The following LARP4B variants were observed in gnomAD, a reference collection of about 807,000 sequenced individuals.
LARP4B encodes the protein la-related protein 4B.
In LARP4B, 12 loss-of-function variants were observed where a neutral mutation model predicts 89.8. That is an observed-to-expected ratio of 0.13 (90% CI 0.09 to 0.22). The LOEUF (loss-of-function observed/expected upper bound fraction) is 0.22, where lower values mean the gene tolerates loss of function less well. Ranked by LOEUF, LARP4B falls within the 10% of genes least tolerant of loss-of-function variation. The pLI is 1.00. For missense variants in LARP4B, 757 were observed against 947.7 expected, an observed-to-expected ratio of 0.80 and a Z score of 2.64; for synonymous variants, 367 against 363.3, an observed-to-expected ratio of 1.01 and a Z score of -0.12.
intron 1 of LARP4B, among the ~76,000 whole-genome samples, chr10:897,196 T>C (rs1462176328): frequency 2.0e-5 from 3 of 152,050 alleles, no homozygotes; most frequent in Non-Finnish European, 2.9e-5. Context: ...ATCAATACAA[T>C]AGAAACGAGA....
chr10:891,962 T>C (rs1431836951), intron 1 of LARP4B, among the ~76,000 whole-genome samples: 1 of 152,268 alleles, frequency 6.6e-6, no homozygotes, highest in Non-Finnish European at 1.5e-5. Flanking sequence ...ACAAATATTT[T>C]GTTACTGGTT....
rs140634000 is a variant in LARP4B, at chr10:919,670, G to A, written c.-40+11758C>T. On this transcript the variant is annotated intron_variant, in intron 1 of 17. Transcript: ENST00000316157. ...AAACCAAAGGCCAGGAGAGCTCACA[G>A]CAAGTCACATTATCTCTAGTGTGAG... Among the ~76,000 whole-genome samples, 35 of 152,216 alleles carry A rather than the reference G, an allele frequency of 2.3e-4. 1 individual carries two copies. Among genetic ancestry groups the A allele is most frequent in the Non-Finnish European group, 8.8e-5 (6 of 68,026 alleles).
At chr10:954,358 C>T in the LARP4B span, among the ~76,000 whole-genome samples, 3 of 152,022 alleles carry the variant, frequency 2.0e-5, no homozygotes, top group Admixed American at 2.0e-4. The surrounding 1 kb of genome is among the most constrained non-coding windows in gnomAD (Gnocchi z 5.0). Context: ...TACATGTGGA[C>T]GCGGACGAAA....
the LARP4B span, among the ~76,000 whole-genome samples, chr10:952,290 AG>A: frequency 7.0e-6 from 1 of 143,432 alleles, no homozygotes; most frequent in Non-Finnish European, 1.5e-5. Context: ...CAGTGAGCTG[AG>A]ATCAAGATGC....
intron 1 of LARP4B, among the ~76,000 whole-genome samples, chr10:928,177 G>T (rs1396308364): frequency 6.6e-6 from 1 of 150,662 alleles, no homozygotes; most frequent in Non-Finnish European, 1.5e-5. Flanking sequence ...AGCCAAGAAC[G>T]CACCATTGCA....
rs78616524 is a variant in LARP4B, at chr10:816,700, T to C, written c.1695+1025A>G. Among the ~76,000 whole-genome samples, 57 of 152,318 alleles carry C rather than the reference T, an allele frequency of 3.7e-4. No individual in the cohort carries two copies. In the East Asian group the frequency reaches 0.011, roughly 28 times the overall value. On this transcript the variant is annotated intron_variant, in intron 15 of 17. Transcript: ENST00000316157. ...GGCACTAATACCTTAGAAATGACGG[T>C]GTGGAAATTTAAGGCTAATGTGACA...
chr10:927,376 C>T (rs1837172363), intron 1 of LARP4B, among the ~76,000 whole-genome samples: 1 of 152,120 alleles, frequency 6.6e-6, no homozygotes, highest in Admixed American at 6.5e-5. Flanking sequence ...ACAGGAAAAA[C>T]AAAGCATTAG....
Position 825,268 on chromosome 10 carries a change from C to T in LARP4B, c.1281G>A (p.Arg427=), listed in dbSNP as rs748609302. ...HLRHAIPSAE[R]GPGLLESPSI... Reference sequence around the variant, plus strand: ...AAGGACTTTCTAATAACCCAGGTCCCCTCTCTGCACTAGGAATCGCATGCC... The same window carrying T: ...AAGGACTTTCTAATAACCCAGGTCCTCTCTCTGCACTAGGAATCGCATGCC... Residue 427 remains arginine (R), a synonymous_variant, in exon 13 of 18, where the codon AGG becomes AGA. Coordinates refer to ENST00000316157, the MANE Select transcript of LARP4B (RefSeq NM_015155.3). 1 of 1,614,124 alleles carries T rather than the reference C, an allele frequency of 6.2e-7. No individual in the cohort carries two copies. Among genetic ancestry groups the T allele is most frequent in the Non-Finnish European group, 8.5e-7 (1 of 1,180,010 alleles).
At chr10:808,362 G>GGA (rs1831624159), downstream of LARP4B, 3 of 152,260 alleles carry the variant, frequency 2.0e-5, 1 homozygote, top group South Asian at 6.2e-4. Context: ...TAAGGACAAG[G>GGA]GAGAGGCTGG....
At chr10:852,485 A>ATAT (rs1302520935) in intron 5 of LARP4B, among the ~76,000 whole-genome samples, 2 of 152,242 alleles carry the variant, frequency 1.3e-5, no homozygotes, top group Non-Finnish European at 2.9e-5. Flanking sequence ...CCTCATCAAC[A>ATAT]TATAAAGGGC....
the LARP4B span, among the ~76,000 whole-genome samples, chr10:939,883 G>A: frequency 2.2e-4 from 33 of 152,200 alleles, no homozygotes; most frequent in African/African-American, 4.8e-4. Flanking sequence ...TTGCTCTGTC[G>A]CCCAGGCTAA....
At chr10:930,483 A>G (rs906562826) in intron 1 of LARP4B, among the ~76,000 whole-genome samples, 1 of 152,206 alleles carries the variant, frequency 6.6e-6, no homozygotes, top group Non-Finnish European at 1.5e-5. Flanking sequence ...TAGGTTTCTC[A>G]AGTTTCATCT....
At position 863,430 on chromosome 10, in the gene LARP4B, C is replaced by T. The variant is rs547229694; in HGVS notation, c.430+313G>A. 2.6e-5 allele frequency among the ~76,000 whole-genome samples: 4 copies of T among 151,994 alleles called. No individual in the cohort carries two copies. The South Asian group carries it at 6.2e-4, about 24-fold the overall frequency. On this transcript the variant is annotated intron_variant, in intron 5 of 17. Transcript: ENST00000316157. ...TTTTTTAGTAGAGACGGGGTTTTAC[C>T]GTGTTAGCCAGGATGGTCTTGATCT... is the stretch of plus-strand genomic sequence containing the variant.
upstream of LARP4B, among the ~76,000 whole-genome samples, chr10:934,835 G>C (rs376374294): frequency 6.6e-6 from 1 of 152,176 alleles, no homozygotes; most frequent in East Asian, 1.9e-4. Context: ...CGTCCCCCCA[G>C]TGGTTTTGCC....
chr10:980,444 A>G, the LARP4B span, among the ~76,000 whole-genome samples: 2 of 152,238 alleles, frequency 1.3e-5, no homozygotes, highest in African/African-American at 4.8e-5. Context: ...TCCCTGCAGC[A>G]GGCTTCTCTG....
At chr10:965,117 C>T in the LARP4B span, among the ~76,000 whole-genome samples, 1 of 152,214 alleles carries the variant, frequency 6.6e-6, no homozygotes, top group Admixed American at 6.5e-5. Flanking sequence ...CAGCACCCGC[C>T]TGCCTGTGGT....
chr10:973,852 A>C, the LARP4B span, among the ~76,000 whole-genome samples: 2 of 152,182 alleles, frequency 1.3e-5, no homozygotes, highest in African/African-American at 4.8e-5. Flanking sequence ...GATACCGTGG[A>C]GTGAGAAAAG....
intron 3 of LARP4B, among the ~76,000 whole-genome samples, chr10:871,750 G>T (rs1350729087): frequency 6.6e-6 from 1 of 152,168 alleles, no homozygotes; most frequent in Non-Finnish European, 1.5e-5. Context: ...TTACTGCAGT[G>T]ATAGGCCTCT....
chr10:987,127 TA>T, the LARP4B span: 26,468 of 152,126 alleles, frequency 0.17, 2,607 homozygotes, highest in East Asian at 0.28. Flanking sequence ...ATAGCTTTGC[TA>T]ATCTCGGAAA....
Sources: gnomAD v4.1 joint callset for allele counts (sites outside exome capture counted in the v4.1 genomes callset) on GRCh38, gnomAD v4.1.1 for gene constraint, Gnocchi (gnomAD v3.1) non-coding constraint, MANE v1.5 for transcripts, NCBI Gene and HGNC (gene_info 2026-07-23, HGNC 2026-07-21) for gene names.